Variants in NECAB1 observed in about 807,000 individuals in gnomAD.
NECAB1 encodes N-terminal EF-hand calcium-binding protein 1.
A neutral mutation model predicts 57.5 loss-of-function variants in NECAB1; 29 were observed. The observed-to-expected ratio is 0.50, with a 90% CI of 0.38 to 0.69. NECAB1 has a LOEUF of 0.69. Ranked by LOEUF, NECAB1 falls within the 30% of genes least tolerant of loss-of-function variation. The pLI, the probability that NECAB1 is intolerant of heterozygous loss-of-function variation, is 0.00. For missense variants in NECAB1, 372 were observed against 413.8 expected, an observed-to-expected ratio of 0.90 and a Z score of 0.88; for synonymous variants, 142 against 147.7, an observed-to-expected ratio of 0.96 and a Z score of 0.28.
At chr8:90,927,898 T>G (rs1443566374) in intron 7 of NECAB1, among the ~76,000 whole-genome samples, 1 of 151,958 alleles carries the variant, frequency 6.6e-6, no homozygotes, top group Non-Finnish European at 1.5e-5. Flanking sequence ...AGTTTAGAAT[T>G]GTTGATTGAT....
chr8:90,940,523 T>C (rs1249196664), intron 9 of NECAB1: 2 of 371,658 alleles, frequency 5.4e-6, no homozygotes, highest in Non-Finnish European at 9.9e-6. Flanking sequence ...TCTCGAGTCA[T>C]TGAGAATCAC....
At chr8:90,823,743 C>T (rs1812182798) in intron 2 of NECAB1, among the ~76,000 whole-genome samples, 1 of 151,864 alleles carries the variant, frequency 6.6e-6, no homozygotes, top group Non-Finnish European at 1.5e-5. Context: ...ATTCCATCCT[C>T]CTTAAACCTC....
intron 1 of NECAB1, among the ~76,000 whole-genome samples, chr8:90,800,000 C>T (rs1312884028): frequency 6.6e-6 from 1 of 152,116 alleles, no homozygotes; most frequent in Non-Finnish European, 1.5e-5. Context: ...TTTTGTAGTT[C>T]TCCTTGTGGA....
chr8:90,826,621 A>G (rs905095445), intron 3 of NECAB1, among the ~76,000 whole-genome samples: 1 of 151,898 alleles, frequency 6.6e-6, no homozygotes, highest in Admixed American at 6.6e-5. Context: ...TTGAAGTTTA[A>G]ACAACATTTG....
chr8:90,848,748 G>A (rs1008401215), intron 3 of NECAB1, among the ~76,000 whole-genome samples: 1 of 152,142 alleles, frequency 6.6e-6, no homozygotes, highest in Non-Finnish European at 1.5e-5. Context: ...ACTTTGGGAG[G>A]CTGAGGTGGG....
At chr8:90,931,849 A>G (rs1810413791) in intron 8 of NECAB1, among the ~76,000 whole-genome samples, 1 of 152,216 alleles carries the variant, frequency 6.6e-6, no homozygotes, top group African/African-American at 2.4e-5. Flanking sequence ...GGTGGCAGTG[A>G]GCCGAGATCG....
At chr8:90,836,960 G>C (rs1477471979) in intron 3 of NECAB1, among the ~76,000 whole-genome samples, 2 of 152,218 alleles carry the variant, frequency 1.3e-5, no homozygotes, top group Non-Finnish European at 2.9e-5. Context: ...AGCATAAGAA[G>C]CACTCTTGTT....
intron 12 of NECAB1, among the ~76,000 whole-genome samples, chr8:90,953,350 T>C (rs964980135): frequency 1.3e-5 from 2 of 152,244 alleles, no homozygotes; most frequent in African/African-American, 4.8e-5. Context: ...TTGGCACATA[T>C]ATTACTCTTT....
At chr8:90,798,179 A>G (rs1811694284) in intron 1 of NECAB1, among the ~76,000 whole-genome samples, 1 of 152,184 alleles carries the variant, frequency 6.6e-6, no homozygotes. Flanking sequence ...CTATCTCTGC[A>G]TCTCTGAATT....
At chr8:90,938,150 C>G (rs1810581389) in intron 9 of NECAB1, among the ~76,000 whole-genome samples, 3 of 152,100 alleles carry the variant, frequency 2.0e-5, no homozygotes, top group South Asian at 2.1e-4. Context: ...AAGGCTGATG[C>G]AACAAAATCT....
chr8:90,936,721 C>G (rs1810547782), intron 9 of NECAB1, among the ~76,000 whole-genome samples: 1 of 152,126 alleles, frequency 6.6e-6, no homozygotes, highest in Non-Finnish European at 1.5e-5. Flanking sequence ...AGTCCTGAAC[C>G]CTAGCAACTG....
chr8:90,824,532 A>G (rs1415427256), intron 2 of NECAB1, among the ~76,000 whole-genome samples, 185 bp from the exon 3 acceptor site: 1 of 151,906 alleles, frequency 6.6e-6, no homozygotes, highest in Non-Finnish European at 1.5e-5. Flanking sequence ...TAGAGTGTAC[A>G]CATCTGTGTT....
intron 3 of NECAB1, among the ~76,000 whole-genome samples, chr8:90,842,600 A>G (rs1047503265): frequency 3.3e-5 from 5 of 152,148 alleles, no homozygotes; most frequent in Admixed American, 3.3e-4. Context: ...TCTTCAAATG[A>G]ATGCTGGGCT....
intron 3 of NECAB1, among the ~76,000 whole-genome samples, chr8:90,870,321 A>G (rs561240805): frequency 6.6e-5 from 10 of 152,342 alleles, no homozygotes; most frequent in African/African-American, 2.2e-4. Context: ...AAGTGCAAAT[A>G]TGACCATGTT....
intron 7 of NECAB1, among the ~76,000 whole-genome samples, chr8:90,927,805 G>T (rs1333043376): frequency 1.4e-5 from 2 of 144,724 alleles, no homozygotes; most frequent in East Asian, 2.0e-4. Context: ...TGCCCTTATG[G>T]TTTTTTTTTT....
intron 5 of NECAB1, among the ~76,000 whole-genome samples, chr8:90,885,916 G>C (rs1429148421): frequency 1.3e-5 from 2 of 152,092 alleles, no homozygotes; most frequent in Non-Finnish European, 2.9e-5. Flanking sequence ...TGAATAAGTA[G>C]GTGTCCAGAG....
intron 4 of NECAB1, among the ~76,000 whole-genome samples, chr8:90,875,755 G>GTAATCCCA (rs778770033): frequency 1.1e-4 from 16 of 151,160 alleles, no homozygotes; most frequent in Non-Finnish European, 2.1e-4. Context: ...GCTCACGCCT[G>GTAATCCCA]TAATCCCAGC....
Position 90,958,797 on chromosome 8 carries a change from C to G in NECAB1, c.*3285C>G. 2.4e-6 allele frequency: 1 copy of G among 411,506 alleles called. No individual in the cohort carries two copies. Among genetic ancestry groups the G allele is most frequent in the South Asian group, 4.1e-5 (1 of 24,600 alleles). The allele number at this position is 411,506 out of a possible 1,614,324, so 25.5% of individuals were successfully genotyped here. A position where few individuals can be genotyped will look rare whatever the true frequency, so the allele number is the denominator to read the frequency against. On this transcript the variant is annotated 3_prime_UTR_variant, in exon 13 of 13. Transcript: ENST00000417640. Reference sequence around the variant, plus strand: ...AAATTCCTACTTTCCAGTGTTACTTCCCAATTTATGCAGGAAACCTCCTGC... The same window carrying G: ...AAATTCCTACTTTCCAGTGTTACTTGCCAATTTATGCAGGAAACCTCCTGC...
At chr8:90,904,892 CA>C (rs1218612053) in intron 5 of NECAB1, among the ~76,000 whole-genome samples, 1 of 151,958 alleles carries the variant, frequency 6.6e-6, no homozygotes, top group Non-Finnish European at 1.5e-5. Flanking sequence ...TATATGAAAA[CA>C]AAAGAGTTAA....
Sources: gnomAD v4.1 joint callset for allele counts (sites outside exome capture counted in the v4.1 genomes callset) on GRCh38, gnomAD v4.1.1 for gene constraint, MANE v1.5 for transcripts, NCBI Gene and HGNC (gene_info 2026-07-23, HGNC 2026-07-21) for gene names.